Variants in EXTL3 observed in about 807,000 individuals in gnomAD.
EXTL3 encodes exostosin like glycosyltransferase 3.
In EXTL3, 27 loss-of-function variants were observed where a neutral mutation model predicts 69.3. The observed-to-expected ratio is 0.39, with a 90% CI of 0.29 to 0.54. The LOEUF (loss-of-function observed/expected upper bound fraction) is 0.54. Among genes scored for constraint, EXTL3 ranks in the 20% least tolerant of loss-of-function variants. The pLI is 0.69. For missense variants in EXTL3, 1,003 were observed against 1,231.8 expected (o/e 0.81, Z 2.78); for synonymous variants, 511 against 499.4 (o/e 1.02, Z -0.31).
At chr8:28,608,967 T>C (rs1038026299) in intron 2 of EXTL3, among the ~76,000 whole-genome samples, 2 of 152,072 alleles carry the variant, frequency 1.3e-5, no homozygotes, top group African/African-American at 4.8e-5. Context: ...TAAAATAAAA[T>C]GGCCTAACAG....
At chr8:28,692,389 T>C (rs2130679924) in intron 1 of EXTL3, among the ~76,000 whole-genome samples, 1 of 152,330 alleles carries the variant, frequency 6.6e-6, no homozygotes, top group East Asian at 1.9e-4. Context: ...ACTAGAATCA[T>C]GCTGTCACCT....
intron 1 of EXTL3, among the ~76,000 whole-genome samples, chr8:28,707,582 A>G (rs1000635626): frequency 1.3e-5 from 2 of 152,204 alleles, no homozygotes; most frequent in African/African-American, 4.8e-5. Context: ...GCTGCCATCA[A>G]TCTGAATCTC....
intron 1 of EXTL3, among the ~76,000 whole-genome samples, chr8:28,644,727 T>C (rs1399225064): frequency 2.0e-5 from 3 of 152,234 alleles, no homozygotes; most frequent in Non-Finnish European, 2.9e-5. Context: ...CTTTTCGTTA[T>C]GATTCCTTGC....
At chr8:28,734,916 C>T (rs1393245418) in intron 4 of EXTL3, among the ~76,000 whole-genome samples, 2 of 152,208 alleles carry the variant, frequency 1.3e-5, no homozygotes, top group African/African-American at 4.8e-5. Context: ...CTTTATTGCT[C>T]ATCTGTCTTA....
At chr8:28,748,368 C>CAA (rs34255549) in intron 6 of EXTL3, among the ~76,000 whole-genome samples, 95 of 128,236 alleles carry the variant, frequency 7.4e-4, no homozygotes, top group Admixed American at 1.2e-3. Context: ...GAGACTGTCT[C>CAA]AAAAAAAAAA....
At chr8:28,727,201 C>T (rs1801432586) in intron 3 of EXTL3, among the ~76,000 whole-genome samples, 1 of 152,082 alleles carries the variant, frequency 6.6e-6, no homozygotes, top group South Asian at 2.1e-4. Context: ...ATTCTGATTG[C>T]TGTTCTGATT....
chr8:28,694,278 A>G (rs998127692), intron 1 of EXTL3, among the ~76,000 whole-genome samples: 3 of 152,244 alleles, frequency 2.0e-5, no homozygotes, highest in East Asian at 3.8e-4. Flanking sequence ...CTTGTTTGGC[A>G]TATCTGTCAC....
intron 1 of EXTL3, among the ~76,000 whole-genome samples, chr8:28,663,262 A>C (rs1807144438): frequency 6.6e-6 from 1 of 152,112 alleles, no homozygotes; most frequent in African/African-American, 2.4e-5. Context: ...TAGGATGGGT[A>C]AGGGGTGTCC....
chr8:28,652,024 A>G lies in EXTL3; in HGVS notation c.-53+29214A>G, dbSNP rs556624939. Reference sequence around the variant, plus strand: ...AATTTTGACGGCTGAATAATATTCCATTGTGTGTGTGTGTCTGTGTGTGTG... The same window carrying G: ...AATTTTGACGGCTGAATAATATTCCGTTGTGTGTGTGTGTCTGTGTGTGTG... On this transcript the variant is annotated intron_variant, in intron 1 of 6. Coordinates refer to the EXTL3 transcript ENST00000523149. Among the ~76,000 whole-genome samples, 6 of 108,756 alleles carry G rather than the reference A, an allele frequency of 5.5e-5. No homozygotes were observed. In the South Asian group the frequency reaches 1.3e-3, roughly 24 times the overall value. 71.3% of individuals were successfully genotyped at this position (108,756 alleles called of 152,430 possible).
chr8:28,619,713 G>A (rs964838708), upstream of EXTL3, among the ~76,000 whole-genome samples: 6 of 152,244 alleles, frequency 3.9e-5, no homozygotes, highest in South Asian at 4.1e-4. Flanking sequence ...GTGACCTCAT[G>A]TCAGGAGCTT....
In EXTL3 at chr8:28,717,228, A is replaced by G; in HGVS notation, c.1169A>G (p.Lys390Arg). The change falls in exon 3 of 7, where the codon AAG (lysine) becomes AGG (arginine). Residue 390 changes from lysine to arginine, a missense_variant. This residue lies in a region of EXTL3 where 742 missense variants were observed against 815.4 expected (regional missense o/e 0.91). Transcript: ENST00000220562. The surrounding 1 kb of genome is among the most constrained non-coding windows in gnomAD (Gnocchi z 8.3). ...IATLKAVQDS[K>R]LDQVLVEFTC... ...ACCCTGAAGGCGGTGCAGGACAGCAAGCTGGATCAGGTCCTGGTGGAATTC... is the reference window on the plus strand; with the variant it reads ...ACCCTGAAGGCGGTGCAGGACAGCAGGCTGGATCAGGTCCTGGTGGAATTC... 1 of 1,614,226 alleles carries G rather than the reference A, an allele frequency of 6.2e-7. No individual in the cohort carries two copies. Among genetic ancestry groups the G allele is most frequent in the Non-Finnish European group, 8.5e-7 (1 of 1,180,042 alleles).
At chr8:28,745,340 T>A (rs1801867937) in intron 6 of EXTL3, among the ~76,000 whole-genome samples, 1 of 152,250 alleles carries the variant, frequency 6.6e-6, no homozygotes, top group Non-Finnish European at 1.5e-5. Flanking sequence ...CAGGGTTTCA[T>A]CTGTTGCCGA....
Position 28,753,684 on chromosome 8 carries a change from T to A in EXTL3, c.*2818T>A, listed in dbSNP as rs201447474. 3 of 152,666 alleles carry A rather than the reference T, an allele frequency of 2.0e-5. No homozygotes were observed. The East Asian group carries it at 5.8e-4, about 29-fold the overall frequency. The allele number at this position is 152,666 out of a possible 1,614,324, so 9.5% of individuals were successfully genotyped here. A position where few individuals can be genotyped will look rare whatever the true frequency, so the allele number is the denominator to read the frequency against. On this transcript the variant is annotated 3_prime_UTR_variant, in exon 7 of 7. Transcript: ENST00000220562. ...AATAAAAATAAATGGAGACTTTAAC[T>A]CAAGCAGCTTGGAGGTCTTTTGTGG...
intron 2 of EXTL3, among the ~76,000 whole-genome samples, chr8:28,613,136 T>A (rs1806291891): frequency 6.6e-6 from 1 of 152,188 alleles, no homozygotes; most frequent in Admixed American, 6.6e-5. Context: ...CGCCTTTATC[T>A]AGTTTCAGTA....
chr8:28,651,471 A>G (rs1806917700), intron 1 of EXTL3, among the ~76,000 whole-genome samples: 1 of 152,120 alleles, frequency 6.6e-6, no homozygotes, highest in South Asian at 2.1e-4. Context: ...TACTACAGGC[A>G]TATGCCACCA....
chr8:28,640,657 GAGTGGTGCGATCAT>G lies in EXTL3; in HGVS notation c.-53+17850_-53+17863del, dbSNP rs1806728562. Among the ~76,000 whole-genome samples the G allele has an allele frequency of 1.3e-4, 20 of 152,308 alleles. No individual in the cohort carries two copies. In the South Asian group the frequency reaches 4.1e-3, roughly 32 times the overall value. Reference sequence around the variant, plus strand: ...TTGCTTTGTTGCCTAGGCTGGAGTGGAGTGGTGCGATCATAGCTCACTGCAGCTTCGACCTCCTG... The same window carrying G: ...TTGCTTTGTTGCCTAGGCTGGAGTGGAGCTCACTGCAGCTTCGACCTCCTG... On this transcript the variant is annotated intron_variant, in intron 1 of 6. Transcript: ENST00000523149.
rs200076519 is a variant in EXTL3 at position 28,677,135 on chromosome 8, ATAAT to A, written c.-52-36317_-52-36314del. On this transcript the variant is annotated intron_variant, in intron 1 of 6. Transcript: ENST00000523149. Reference sequence around the variant, plus strand: ...GTTGAACATCCTGGAGAGAAAAGGGATAATTAATGAAGGAAATGCATGGAAGGGA... The same window carrying A: ...GTTGAACATCCTGGAGAGAAAAGGGATAATGAAGGAAATGCATGGAAGGGA... Among the ~76,000 whole-genome samples, 917 of 152,260 alleles carry A rather than the reference ATAAT, an allele frequency of 6.0e-3. 6 individuals are homozygous for A. The highest frequency in any genetic ancestry group is 0.021 in the African/African-American group (858 of 41,552).
intron 1 of EXTL3, among the ~76,000 whole-genome samples, chr8:28,684,292 C>A (rs552035607): frequency 1.6e-4 from 25 of 152,104 alleles, no homozygotes; most frequent in African/African-American, 5.8e-4. Context: ...GAGTATATAC[C>A]CAGCAGTGGG....
chr8:28,716,578 C>T lies in EXTL3; in HGVS notation c.519C>T (p.Ala173=), dbSNP rs1184066133. The part of the protein sequence containing the change: ...KDDAGLPPPK[A]TRGCRLHNCF... Reference sequence around the variant, plus strand: ...ATGCCGGCCTCCCTCCCCCGAAGGCCACTCGGGGCTGCCGGCTACACAACT... The same window carrying T: ...ATGCCGGCCTCCCTCCCCCGAAGGCTACTCGGGGCTGCCGGCTACACAACT... The change falls in exon 3 of 7, where the codon GCC becomes GCT. Residue 173 remains alanine, a synonymous_variant. Transcript: ENST00000220562. The surrounding 1 kb of genome is among the most constrained non-coding windows in gnomAD (Gnocchi z 7.1). 1.2e-6 allele frequency: 2 copies of T among 1,614,226 alleles called. No individual in the cohort carries two copies. Among genetic ancestry groups the T allele is most frequent in the South Asian group, 1.1e-5 (1 of 91,088 alleles).
Sources: gnomAD v4.1 joint callset for allele counts (sites outside exome capture counted in the v4.1 genomes callset) on GRCh38, gnomAD v4.1.1 for gene constraint, gnomAD v4.1.1 regional missense constraint, Gnocchi (gnomAD v3.1) non-coding constraint, MANE v1.5 for transcripts, NCBI Gene and HGNC (gene_info 2026-07-23, HGNC 2026-07-21) for gene names.